MPDZ: variants seen among roughly 807,000 people sequenced by gnomAD.
The protein encoded by MPDZ is multiple PDZ domain protein.
MPDZ carries 234 observed loss-of-function variants against 239.1 expected under a neutral mutation model. The ratio of observed to expected loss-of-function variants is 0.98; its 90% CI spans 0.88 to 1.09. The LOEUF (loss-of-function observed/expected upper bound fraction) is 1.09. Ranked by LOEUF, MPDZ falls within the 50% of genes least tolerant of loss-of-function variation. The pLI, the probability that MPDZ is intolerant of heterozygous loss-of-function variation, is 0.00. For synonymous variants in MPDZ, 1,048 were observed against 881.3 expected (o/e 1.19, Z -3.35); for missense variants, 3,175 against 2,510.0 (o/e 1.26, Z -5.66).
intron 23 of MPDZ, 78 bp downstream of exon 23, chr9:13,162,613 G>T: frequency 1.2e-6 from 1 of 840,800 alleles, no homozygotes; most frequent in Non-Finnish European, 1.8e-6. Context: ...CTTTGCTCTA[G>T]TCCTCCCTGA....
At chr9:13,262,465 A>G (rs1433435658) in intron 1 of MPDZ, among the ~76,000 whole-genome samples, 1 of 152,104 alleles carries the variant, frequency 6.6e-6, no homozygotes, top group Non-Finnish European at 1.5e-5. Flanking sequence ...AAATAATAAT[A>G]AAAATTAAAA....
chr9:13,272,213 C>A (rs1973143547), intron 1 of MPDZ, among the ~76,000 whole-genome samples: 1 of 152,154 alleles, frequency 6.6e-6, no homozygotes, highest in South Asian at 2.1e-4. Flanking sequence ...CTCCCTCCCA[C>A]CTCCTTGAGA....
intron 1 of MPDZ, among the ~76,000 whole-genome samples, chr9:13,268,193 T>C (rs1161548429): frequency 6.6e-6 from 1 of 151,438 alleles, no homozygotes; most frequent in Non-Finnish European, 1.5e-5. Flanking sequence ...GAGAGAGATC[T>C]AGATATACAG....
chr9:13,184,415 ATT>A (rs914508508), intron 18 of MPDZ, among the ~76,000 whole-genome samples: 1 of 149,482 alleles, frequency 6.7e-6, no homozygotes, highest in African/African-American at 2.4e-5. Context: ...ATATGTTCTA[ATT>A]TTTTTTTTGT....
chr9:13,188,857 A>G lies in MPDZ; in HGVS notation c.2291T>C (p.Leu764Pro). 1 of 1,613,634 alleles carries G rather than the reference A, an allele frequency of 6.2e-7. No homozygotes were observed. Among genetic ancestry groups the G allele is most frequent in the Non-Finnish European group, 8.5e-7 (1 of 1,179,620 alleles). The change falls in exon 17 of 47, where the codon CTT becomes CCT. Residue 764 changes from leucine to proline, a missense_variant. Physicochemically the swap from Leu to Pro is moderately conservative, Grantham distance 98. Coordinates refer to ENST00000319217, the MANE Select transcript of MPDZ (RefSeq NM_001378778.1). ...CTTCAGTGCTTCTACAGCTTCCTCAAGACTGCTGTTTTCCAAGTTAACATC... is the reference window on the plus strand; with the variant it reads ...CTTCAGTGCTTCTACAGCTTCCTCAGGACTGCTGTTTTCCAAGTTAACATC... The part of the protein sequence containing the change: ...VNDVNLENSS[L>P]EEAVEALKGA...
Position 13,221,454 on chromosome 9 carries a change from G to A in MPDZ, c.794C>T (p.Ser265Phe). The change falls in exon 7 of 47, where the codon TCT becomes TTT. Residue 265 changes from serine (S) to phenylalanine (F), a missense_variant. Physicochemically the swap from Ser to Phe is radical, Grantham distance 155. Transcript: ENST00000319217. The part of the protein sequence containing the change: ...METIELVNDG[S>F]GLGFGIIGGK... The stretch of plus-strand genomic sequence containing the variant: ...TCCTATGATGCCAAATCCCAAACCA[G>A]ATCCATCATTCACCAATTCAATCGT... The A allele has an allele frequency of 1.9e-6, 3 of 1,611,170 alleles. No individual in the cohort carries two copies. The highest frequency in any genetic ancestry group is 4.5e-5 in the East Asian group (2 of 44,718).
At chr9:13,172,285 C>G (rs1433553595) in intron 21 of MPDZ, among the ~76,000 whole-genome samples, 12 of 151,850 alleles carry the variant, frequency 7.9e-5, no homozygotes, top group Admixed American at 2.6e-4. Flanking sequence ...GGAAATGAAG[C>G]AGAAAAGTTA....
chr9:13,248,033 C>A (rs892491662), intron 2 of MPDZ, among the ~76,000 whole-genome samples: 9 of 151,956 alleles, frequency 5.9e-5, no homozygotes, highest in African/African-American at 2.2e-4. Context: ...TCGAGACCAG[C>A]CTGGCCAAAA....
chr9:13,147,590 G>C lies in MPDZ; in HGVS notation c.3699C>G (p.Asn1233Lys), dbSNP rs780782462. The stretch of plus-strand genomic sequence containing the variant: ...TGCTCTGTACCATAAAGACTACAGG[G>C]TTGCCTGCTTTCCGAATGGCTTCCA... ...QAVEAIRKAG[N>K]PVVFMVQSII... is the part of the protein sequence containing the mutation. The change falls in exon 26 of 47, where the codon AAC becomes AAG. Residue 1233 changes from asparagine to lysine, a missense_variant. By Grantham distance (94) the Asn-to-Lys change is moderately conservative (BLOSUM62 0). Transcript: ENST00000319217. 1 of 1,612,220 alleles carries C rather than the reference G, an allele frequency of 6.2e-7. No homozygotes were observed. The highest frequency in any genetic ancestry group is 8.5e-7 in the Non-Finnish European group (1 of 1,178,814).
chr9:13,114,411 G>A (rs1563822412), intron 40 of MPDZ, among the ~76,000 whole-genome samples: 1 of 152,140 alleles, frequency 6.6e-6, no homozygotes, highest in South Asian at 2.1e-4. Flanking sequence ...TTAGTATGGG[G>A]TCTTTAAGGA....
chr9:13,191,166 T>C lies in MPDZ; in HGVS notation c.1969-867A>G, dbSNP rs548698029. On this transcript the variant is annotated intron_variant, in intron 15 of 46. Transcript: ENST00000319217. ...TAATCCCATTATACACATAAAAACATGTATGGATACATATAGGGTACTAGA... is the reference window on the plus strand; with the variant it reads ...TAATCCCATTATACACATAAAAACACGTATGGATACATATAGGGTACTAGA... Among the ~76,000 whole-genome samples the C allele has an allele frequency of 2.0e-5, 3 of 152,138 alleles. No individual in the cohort carries two copies. The South Asian group carries it at 6.2e-4, about 31-fold the overall frequency.
At chr9:13,146,490 G>C (rs1270375948) in intron 26 of MPDZ, among the ~76,000 whole-genome samples, 1 of 151,954 alleles carries the variant, frequency 6.6e-6, no homozygotes, top group African/African-American at 2.4e-5. Context: ...AATATTTTAA[G>C]TTTTAGACGA....
At chr9:13,254,901 G>A (rs1969049291) in intron 1 of MPDZ, among the ~76,000 whole-genome samples, 1 of 152,176 alleles carries the variant, frequency 6.6e-6, no homozygotes, top group Non-Finnish European at 1.5e-5. Context: ...GTTGCTGAAG[G>A]CTGTGGTCAC....
chr9:13,148,008 A>T (rs1195095039), intron 25 of MPDZ, among the ~76,000 whole-genome samples: 1 of 152,060 alleles, frequency 6.6e-6, no homozygotes, highest in Non-Finnish European at 1.5e-5. Context: ...CACTGTCTTC[A>T]TCATGAAAGT....
At chr9:13,156,708 A>C (rs1403508588) in intron 24 of MPDZ, among the ~76,000 whole-genome samples, 1 of 152,174 alleles carries the variant, frequency 6.6e-6, no homozygotes, top group Admixed American at 6.6e-5. Context: ...TCCTCTCATA[A>C]TATTGTTACT....
chr9:13,124,737 G>A (rs138520371), intron 35 of MPDZ, among the ~76,000 whole-genome samples: 219 of 152,244 alleles, frequency 1.4e-3, no homozygotes, highest in African/African-American at 5.1e-3. Flanking sequence ...GTTTCTTACA[G>A]TGGCAGGCAG....
chr9:13,107,930 G>GT (rs1941759811), intron 46 of MPDZ, among the ~76,000 whole-genome samples: 1 of 152,156 alleles, frequency 6.6e-6, no homozygotes, highest in Non-Finnish European at 1.5e-5. Context: ...GAAAAGGACT[G>GT]TATGACTCTT....
intron 3 of MPDZ, among the ~76,000 whole-genome samples, chr9:13,230,059 T>A (rs911811907): frequency 1.3e-5 from 2 of 151,964 alleles, no homozygotes; most frequent in African/African-American, 4.8e-5. Flanking sequence ...AAAGAGGATA[T>A]ATGGCTGGCA....
intron 22 of MPDZ, among the ~76,000 whole-genome samples, chr9:13,164,679 C>T (rs567687204): frequency 2.4e-4 from 37 of 151,862 alleles, no homozygotes; most frequent in African/African-American, 8.5e-4. Flanking sequence ...TTTATTTTAC[C>T]GAAAGGTGAG....
Sources: gnomAD v4.1 joint callset for allele counts (sites outside exome capture counted in the v4.1 genomes callset) on GRCh38, gnomAD v4.1.1 for gene constraint, MANE v1.5 for transcripts, NCBI Gene and HGNC (gene_info 2026-07-23, HGNC 2026-07-21) for gene names.